The following SERPINB7 variants were observed in gnomAD, a reference collection of about 807,000 sequenced individuals.
The protein encoded by SERPINB7 is serpin family B member 7, also known as serpin B7.
A neutral mutation model predicts 37.4 loss-of-function variants in SERPINB7; 31 were observed. The ratio of observed to expected loss-of-function variants is 0.83; its 90% CI spans 0.62 to 1.12. The LOEUF is 1.12. Among genes scored for constraint, SERPINB7 ranks in the 50% most tolerant of loss-of-function variants. SERPINB7 has a pLI of 0.00. For missense variants in SERPINB7, 521 were observed against 455.3 expected, an observed-to-expected ratio of 1.14 and a Z score of -1.31; for synonymous variants, 163 against 166.1, an observed-to-expected ratio of 0.98 and a Z score of 0.14.
chr18:63,786,956 A>AT (rs1193950259), intron 2 of SERPINB7, among the ~76,000 whole-genome samples: 1 of 151,780 alleles, frequency 6.6e-6, no homozygotes, highest in African/African-American at 2.4e-5. Flanking sequence ...TGGATTTTGG[A>AT]TTTTTTCCCA....
At chr18:63,766,132 G>T (rs988484939) in intron 1 of SERPINB7, among the ~76,000 whole-genome samples, 100 of 152,082 alleles carry the variant, frequency 6.6e-4, no homozygotes, top group African/African-American at 2.4e-3. Context: ...AAAGTTTCCT[G>T]GAAGCCATAG....
intron 4 of SERPINB7, among the ~76,000 whole-genome samples, chr18:63,795,518 G>A (rs115891289): frequency 0.037 from 5,568 of 150,386 alleles, 132 homozygotes; most frequent in African/African-American, 0.071. Flanking sequence ...CTGACATCAC[G>A]CCATTGCACT....
chr18:63,761,601 C>T (rs1343322631), intron 1 of SERPINB7, among the ~76,000 whole-genome samples: 1 of 152,162 alleles, frequency 6.6e-6, no homozygotes, highest in East Asian at 1.9e-4. Flanking sequence ...TCCCAGAATT[C>T]CCACATGTTG....
At chr18:63,800,016 G>T (rs746385220) in intron 6 of SERPINB7, among the ~76,000 whole-genome samples, 1 of 151,724 alleles carries the variant, frequency 6.6e-6, no homozygotes, top group Non-Finnish European at 1.5e-5. Context: ...CAAATACCTT[G>T]CAGGAATCTC....
intron 1 of SERPINB7, among the ~76,000 whole-genome samples, chr18:63,757,942 A>G (rs532954046): frequency 6.6e-6 from 1 of 152,326 alleles, no homozygotes; most frequent in Non-Finnish European, 1.5e-5. Flanking sequence ...AAGTACAAGT[A>G]GCTTCATCAG....
chr18:63,764,898 G>A lies in SERPINB7; in HGVS notation c.-19+11778G>A, dbSNP rs192627019. Among the ~76,000 whole-genome samples the A allele has an allele frequency of 2.0e-4, 30 of 152,198 alleles. No homozygotes were observed. The East Asian group carries it at 5.8e-3, about 29-fold the overall frequency. On this transcript the variant is annotated intron_variant, in intron 1 of 7. Transcript: ENST00000336429. Reference sequence around the variant, plus strand: ...ACTACCAGAAGAGGTGAGTAATTAGGCATTGGATCACAGAGTAGGAAAGGA... The same window carrying A: ...ACTACCAGAAGAGGTGAGTAATTAGACATTGGATCACAGAGTAGGAAAGGA...
At chr18:63,765,965 G>A (rs8090034) in intron 1 of SERPINB7, among the ~76,000 whole-genome samples, 4,713 of 152,198 alleles carry the variant, frequency 0.031, 119 homozygotes, top group African/African-American at 0.065. Flanking sequence ...GGCTATCAGG[G>A]CAGATGTCTC....
At chr18:63,796,478 C>T (rs1382287550) in intron 5 of SERPINB7, 95 bp downstream of exon 5, 1 of 662,534 alleles carries the variant, frequency 1.5e-6, no homozygotes, top group African/African-American at 1.8e-5. Flanking sequence ...ATACAAGGAA[C>T]AGCTCCTCCT....
chr18:63,802,766 A>G (rs749899265), intron 7 of SERPINB7, among the ~76,000 whole-genome samples: 7 of 152,244 alleles, frequency 4.6e-5, no homozygotes, highest in South Asian at 2.1e-4. Context: ...GGGCATTAGT[A>G]TGATTTAAAA....
At chr18:63,786,041 T>TATATAATATACATATATATACACAC (rs1568209301) in intron 2 of SERPINB7, among the ~76,000 whole-genome samples, 1 of 83,800 alleles carries the variant, frequency 1.2e-5, no homozygotes. Flanking sequence ...TATATACACA[T>TATATAATATACATATATATACACAC]ATATATAATA....
chr18:63,775,150 G>GT (rs1387755230), upstream of SERPINB7, among the ~76,000 whole-genome samples: 5 of 152,066 alleles, frequency 3.3e-5, no homozygotes, highest in Non-Finnish European at 7.4e-5. Flanking sequence ...TCACAGAAGA[G>GT]TATGTTTTGA....
chr18:63,778,193 T>A (rs2049269041), intron 1 of SERPINB7: 1 of 152,110 alleles, frequency 6.6e-6, no homozygotes, highest in Admixed American at 6.6e-5. Flanking sequence ...TAAGGCATTA[T>A]AGGTTGGAAT....
At chr18:63,785,463 C>T (rs775092796) in intron 2 of SERPINB7, among the ~76,000 whole-genome samples, 3 of 152,238 alleles carry the variant, frequency 2.0e-5, no homozygotes, top group East Asian at 1.9e-4. Flanking sequence ...TCTGACAAGA[C>T]GTTCTGGGCT....
chr18:63,758,360 A>G (rs888083212), intron 1 of SERPINB7, among the ~76,000 whole-genome samples: 2 of 152,188 alleles, frequency 1.3e-5, no homozygotes, highest in African/African-American at 2.4e-5. Flanking sequence ...GCCTGATAGG[A>G]CTTCAATTTT....
At chr18:63,789,662 A>G (rs1247108262) in intron 2 of SERPINB7, among the ~76,000 whole-genome samples, 1 of 152,232 alleles carries the variant, frequency 6.6e-6, no homozygotes, top group South Asian at 2.1e-4. Context: ...GGAAGAGATA[A>G]CTGCCATATT....
intron 1 of SERPINB7, among the ~76,000 whole-genome samples, chr18:63,758,778 A>C (rs1313901519): frequency 6.6e-6 from 1 of 152,216 alleles, no homozygotes; most frequent in Non-Finnish European, 1.5e-5. Context: ...ACCAAGAAGA[A>C]TGAATACTCT....
intron 1 of SERPINB7, among the ~76,000 whole-genome samples, chr18:63,761,143 A>G (rs766440401): frequency 1.6e-4 from 24 of 152,242 alleles, no homozygotes; most frequent in Non-Finnish European, 3.2e-4. Flanking sequence ...ACAGGGGCAG[A>G]GCTGTCCAAG....
intron 7 of SERPINB7, 52 bp downstream of exon 7, chr18:63,801,064 T>A: frequency 1.3e-6 from 2 of 1,569,350 alleles, no homozygotes; most frequent in Non-Finnish European, 1.7e-6. Flanking sequence ...TTTAGGATAC[T>A]GTTGATTGAG....
At chr18:63,759,721 G>A (rs1056800661) in intron 1 of SERPINB7, among the ~76,000 whole-genome samples, 1 of 152,160 alleles carries the variant, frequency 6.6e-6, no homozygotes, top group Non-Finnish European at 1.5e-5. Flanking sequence ...AATCAAGGTG[G>A]TTGGTCTTTC....
Sources: allele counts gnomAD v4.1 joint callset (sites outside exome capture counted in the v4.1 genomes callset), GRCh38; gene constraint gnomAD v4.1.1; transcripts MANE v1.5; gene names NCBI Gene and HGNC (gene_info 2026-07-23, HGNC 2026-07-21).